SGCZ: variants seen among roughly 807,000 people sequenced by gnomAD.
SGCZ encodes zeta-sarcoglycan.
In SGCZ, 40 loss-of-function variants were observed where a neutral mutation model predicts 41.3. That is an observed-to-expected ratio of 0.97 (90% CI 0.75 to 1.26). The LOEUF is 1.26. Ranked by LOEUF, SGCZ falls within the 50% of genes most tolerant of loss-of-function variation. SGCZ has a pLI of 0.00. For missense variants in SGCZ, 552 were observed against 369.8 expected (o/e 1.49, Z -4.04); for synonymous variants, 206 against 137.5 (o/e 1.50, Z -3.49).
At chr8:14,983,144 C>T in intron 1 of SGCZ, among the ~76,000 whole-genome samples, 1 of 151,152 alleles carries the variant, frequency 6.6e-6, no homozygotes, top group East Asian at 1.9e-4. Context: ...CCTGCTGGTG[C>T]TTATTTCATT....
intron 1 of SGCZ, among the ~76,000 whole-genome samples, chr8:14,703,505 T>G (rs1809235044): frequency 1.3e-5 from 2 of 152,002 alleles, no homozygotes; most frequent in African/African-American, 4.8e-5. Flanking sequence ...TTGCTTTATC[T>G]TTTCCTCATA....
intron 2 of SGCZ, among the ~76,000 whole-genome samples, chr8:14,459,858 G>T (rs1452273820): frequency 6.6e-6 from 1 of 152,052 alleles, no homozygotes; most frequent in African/African-American, 2.4e-5. Context: ...ACCCCAAATT[G>T]AGAGACATAT....
At chr8:14,749,733 T>C (rs1799444338) in intron 1 of SGCZ, among the ~76,000 whole-genome samples, 1 of 152,098 alleles carries the variant, frequency 6.6e-6, no homozygotes, top group African/African-American at 2.4e-5. Flanking sequence ...TTTTTTTAAA[T>C]CAGTCAGGAT....
At chr8:14,240,695 T>C (rs1339050342) in intron 3 of SGCZ, among the ~76,000 whole-genome samples, 5 of 152,212 alleles carry the variant, frequency 3.3e-5, no homozygotes, top group African/African-American at 4.8e-5. Context: ...CAAAACCAAG[T>C]ATCCATTTTT....
chr8:14,608,555 A>G (rs1805827088), intron 1 of SGCZ, among the ~76,000 whole-genome samples: 1 of 152,092 alleles, frequency 6.6e-6, no homozygotes. Flanking sequence ...GGGAGTAAGA[A>G]CTCACTCATT....
chr8:14,240,048 C>T (rs1474822371), intron 3 of SGCZ, among the ~76,000 whole-genome samples: 2 of 151,626 alleles, frequency 1.3e-5, no homozygotes, highest in Admixed American at 1.3e-4. Flanking sequence ...AAGTTTAGTC[C>T]GGGCGTGGTG....
intron 3 of SGCZ, among the ~76,000 whole-genome samples, chr8:14,257,787 G>T (rs977419086): frequency 3.3e-5 from 5 of 151,902 alleles, no homozygotes; most frequent in African/African-American, 1.2e-4. Flanking sequence ...ATTTTATATT[G>T]TTTTCCTCCA....
intron 1 of SGCZ, among the ~76,000 whole-genome samples, chr8:14,564,412 G>A (rs769187742): frequency 4.6e-5 from 7 of 152,194 alleles, no homozygotes; most frequent in Non-Finnish European, 7.3e-5. Context: ...TAGACTTACT[G>A]AGTTCAGATC....
intron 5 of SGCZ, among the ~76,000 whole-genome samples, chr8:14,146,993 C>G (rs911303697): frequency 8.0e-5 from 12 of 149,514 alleles, no homozygotes; most frequent in African/African-American, 3.0e-4. Flanking sequence ...GAGAAAAAGC[C>G]AAGGCTTAGA....
At chr8:14,683,427 A>C (rs1585179929) in intron 1 of SGCZ, among the ~76,000 whole-genome samples, 1 of 152,190 alleles carries the variant, frequency 6.6e-6, no homozygotes, top group East Asian at 1.9e-4. Context: ...ACTAAAAATT[A>C]GAATATTTAT....
intron 2 of SGCZ, among the ~76,000 whole-genome samples, chr8:14,552,592 C>T (rs575720735): frequency 2.0e-5 from 3 of 152,136 alleles, no homozygotes; most frequent in East Asian, 3.9e-4. Flanking sequence ...ATCCCCAGGA[C>T]CATGTTGCAT....
chr8:14,515,745 A>C (rs1020906633), intron 2 of SGCZ, among the ~76,000 whole-genome samples: 4 of 152,090 alleles, frequency 2.6e-5, no homozygotes, highest in Admixed American at 2.6e-4. Context: ...GAACACTTTG[A>C]ATTACACTTC....
rs1344247 is a variant in SGCZ at position 14,460,635 on chromosome 8, T to C, written c.234+94097A>G. 1.1e-3 allele frequency among the ~76,000 whole-genome samples: 170 copies of C among 152,160 alleles called. 1 individual carries two copies. The highest frequency in any genetic ancestry group is 1.5e-3 in the African/African-American group (61 of 41,538). ...AATTGAGTAATCACCAACTGAGAAA[T>C]ACCAAAGAACAGAGAGACGAATTCC... On this transcript the variant is annotated intron_variant, in intron 2 of 7. Coordinates refer to ENST00000382080, the MANE Select transcript of SGCZ (RefSeq NM_139167.4).
intron 1 of SGCZ, among the ~76,000 whole-genome samples, chr8:14,580,093 G>T (rs1036386182): frequency 6.6e-6 from 1 of 152,186 alleles, no homozygotes; most frequent in African/African-American, 2.4e-5. Flanking sequence ...CAGTATGAAG[G>T]AAAGGTCCCG....
intron 4 of SGCZ, among the ~76,000 whole-genome samples, chr8:14,214,938 A>T (rs1291292657): frequency 6.6e-6 from 1 of 152,194 alleles, no homozygotes; most frequent in East Asian, 1.9e-4. Flanking sequence ...TCAATACCAC[A>T]CTTGCAGCAA....
intron 1 of SGCZ, among the ~76,000 whole-genome samples, chr8:14,854,593 G>A (rs774749477): frequency 2.4e-4 from 37 of 151,980 alleles, no homozygotes; most frequent in East Asian, 1.9e-4. Flanking sequence ...AATAGTCATC[G>A]TAGATATGAT....
chr8:14,189,703 T>C (rs1441406016), intron 4 of SGCZ, among the ~76,000 whole-genome samples: 5 of 152,198 alleles, frequency 3.3e-5, no homozygotes, highest in Admixed American at 6.5e-5. Flanking sequence ...TACCTGACCA[T>C]GATATCTGAA....
At chr8:14,212,128 C>G (rs967959405) in intron 4 of SGCZ, among the ~76,000 whole-genome samples, 3 of 152,010 alleles carry the variant, frequency 2.0e-5, no homozygotes, top group African/African-American at 4.8e-5. Context: ...CTTGGCATCT[C>G]CCAGCCATTC....
At chr8:14,696,029 A>G (rs897409449) in intron 1 of SGCZ, among the ~76,000 whole-genome samples, 3 of 152,102 alleles carry the variant, frequency 2.0e-5, no homozygotes, top group African/African-American at 7.2e-5. Context: ...TTCACCCTAC[A>G]TATCCAGAGA....
Sources: gnomAD v4.1 joint callset for allele counts (sites outside exome capture counted in the v4.1 genomes callset) on GRCh38, gnomAD v4.1.1 for gene constraint, MANE v1.5 for transcripts, NCBI Gene and HGNC (gene_info 2026-07-23, HGNC 2026-07-21) for gene names.